CTNNA2: variants seen among roughly 807,000 people sequenced by gnomAD.
The protein encoded by CTNNA2 is catenin alpha-2.
A neutral mutation model predicts 101.0 loss-of-function variants in CTNNA2; 42 were observed. The ratio of observed to expected loss-of-function variants is 0.42; its 90% CI spans 0.32 to 0.54. The LOEUF (loss-of-function observed/expected upper bound fraction) is 0.54. Ranked by LOEUF, CTNNA2 falls within the 20% of genes least tolerant of loss-of-function variation. CTNNA2 has a pLI of 0.14. For synonymous variants in CTNNA2, 450 were observed against 456.4 expected, an observed-to-expected ratio of 0.99 and a Z score of 0.18; for missense variants, 871 against 1,223.1, an observed-to-expected ratio of 0.71 and a Z score of 4.29.
Position 80,010,923 on chromosome 2 carries a change from G to T in CTNNA2, c.1056+101126G>T, listed in dbSNP as rs115279122. On this transcript the variant is annotated intron_variant, in intron 7 of 18. Transcript: ENST00000402739. The stretch of plus-strand genomic sequence containing the variant: ...TCTTCGAAATCTCTGTAAAATTGAG[G>T]GTCTCCATATATAGATTTTCAAGTG... Among the ~76,000 whole-genome samples the T allele has an allele frequency of 3.7e-3, 560 of 152,076 alleles. 5 individuals are homozygous for T. Among genetic ancestry groups the T allele is most frequent in the African/African-American group, 0.013 (522 of 41,500 alleles).
At chr2:80,566,253 CAG>C (rs1558594228) in intron 12 of CTNNA2, among the ~76,000 whole-genome samples, 1 of 152,140 alleles carries the variant, frequency 6.6e-6, no homozygotes, top group Non-Finnish European at 1.5e-5. Context: ...AGTAAGAAAA[CAG>C]AAGCCAGCAT....
intron 15 of CTNNA2, among the ~76,000 whole-genome samples, chr2:80,601,207 T>TTGTG (rs1256072643): frequency 6.6e-6 from 1 of 152,064 alleles, no homozygotes; most frequent in African/African-American, 2.4e-5. Context: ...TTTCTTCTTT[T>TTGTG]TGTCTGTGTG....
chr2:80,221,470 G>A (rs1708571923), intron 7 of CTNNA2, among the ~76,000 whole-genome samples: 1 of 152,140 alleles, frequency 6.6e-6, no homozygotes, highest in Admixed American at 6.5e-5. Context: ...TTACAATTCT[G>A]CTGACCCATG....
At chr2:80,032,703 T>G (rs1695367960) in intron 7 of CTNNA2, among the ~76,000 whole-genome samples, 1 of 152,178 alleles carries the variant, frequency 6.6e-6, no homozygotes, top group Non-Finnish European at 1.5e-5. Context: ...GTTAGAAGAT[T>G]TAATGATAGA....
chr2:79,655,235 A>G (rs954299911), intron 2 of CTNNA2, among the ~76,000 whole-genome samples: 3 of 152,208 alleles, frequency 2.0e-5, no homozygotes, highest in East Asian at 1.9e-4. Flanking sequence ...AAGAGTACCT[A>G]TAAGTATATT....
At chr2:80,045,384 T>A (rs1202628586) in intron 7 of CTNNA2, among the ~76,000 whole-genome samples, 1 of 152,178 alleles carries the variant, frequency 6.6e-6, no homozygotes, top group Non-Finnish European at 1.5e-5. Context: ...TGTAATAGTT[T>A]ATCACTATTT....
chr2:79,189,434 G>A (rs951788074), intron 1 of CTNNA2, among the ~76,000 whole-genome samples: 9 of 151,974 alleles, frequency 5.9e-5, no homozygotes, highest in Admixed American at 5.9e-4. Flanking sequence ...TACTCTCCAA[G>A]AGTTGTTATT....
chr2:79,895,201 CA>C (rs1203450144), intron 6 of CTNNA2, among the ~76,000 whole-genome samples: 5 of 152,194 alleles, frequency 3.3e-5, no homozygotes, highest in African/African-American at 4.8e-5. Context: ...AGCGTATTTT[CA>C]GGCCATGCAA....
chr2:79,232,029 C>G (rs1674499610), intron 2 of CTNNA2, among the ~76,000 whole-genome samples: 2 of 152,078 alleles, frequency 1.3e-5, no homozygotes, highest in Admixed American at 6.6e-5. Context: ...TTGTTATTCT[C>G]CTAGTTGGAT....
intron 3 of CTNNA2, among the ~76,000 whole-genome samples, chr2:79,351,302 T>G (rs2104438709): frequency 6.6e-6 from 1 of 152,304 alleles, no homozygotes; most frequent in Admixed American, 6.5e-5. Flanking sequence ...ACATATAATC[T>G]ATCTTGAGTT....
At chr2:79,268,755 C>T (rs1675022156) in intron 2 of CTNNA2, among the ~76,000 whole-genome samples, 1 of 152,088 alleles carries the variant, frequency 6.6e-6, no homozygotes. Context: ...GGGGAAAAAA[C>T]CCACACATGT....
intron 9 of CTNNA2, among the ~76,000 whole-genome samples, chr2:80,443,118 A>G (rs1295064444): frequency 6.6e-6 from 1 of 152,200 alleles, no homozygotes; most frequent in Non-Finnish European, 1.5e-5. Context: ...TTCCTGTGGA[A>G]CCAAAGTTCA....
intron 4 of CTNNA2, among the ~76,000 whole-genome samples, chr2:79,458,291 T>C (rs1670845887): frequency 6.6e-6 from 1 of 152,224 alleles, no homozygotes. Context: ...TTTTATTTCT[T>C]ATAAGAGTCA....
At chr2:80,367,652 A>T (rs1675060168) in intron 7 of CTNNA2, among the ~76,000 whole-genome samples, 1 of 152,030 alleles carries the variant, frequency 6.6e-6, no homozygotes, top group Non-Finnish European at 1.5e-5. Flanking sequence ...CAGCATTATG[A>T]TTAACTTTTT....
At chr2:79,877,777 A>T (rs1314487325) in intron 6 of CTNNA2, among the ~76,000 whole-genome samples, 3 of 152,216 alleles carry the variant, frequency 2.0e-5, no homozygotes, top group Non-Finnish European at 4.4e-5. Flanking sequence ...TGCTGAAGTA[A>T]AAGGAACCAT....
At chr2:80,198,253 G>A (rs995965854) in intron 7 of CTNNA2, among the ~76,000 whole-genome samples, 9 of 152,138 alleles carry the variant, frequency 5.9e-5, no homozygotes, top group Non-Finnish European at 2.9e-5. Flanking sequence ...CACCAGTTAC[G>A]TCAGGGGTGT....
intron 4 of CTNNA2, among the ~76,000 whole-genome samples, chr2:79,476,844 A>T (rs1170687601): frequency 6.6e-6 from 1 of 152,230 alleles, no homozygotes; most frequent in Admixed American, 6.5e-5. Flanking sequence ...TCTGTACTCA[A>T]CAAAACTTAG....
chr2:79,374,461 C>G (rs966786841), intron 4 of CTNNA2, among the ~76,000 whole-genome samples: 2 of 151,994 alleles, frequency 1.3e-5, no homozygotes, highest in African/African-American at 4.8e-5. Context: ...TATCTCCTTC[C>G]AGGGGAGAAG....
intron 13 of CTNNA2, among the ~76,000 whole-genome samples, chr2:80,577,289 A>G (rs756181699): frequency 2.0e-5 from 3 of 152,110 alleles, no homozygotes; most frequent in Non-Finnish European, 2.9e-5. Context: ...AAAGTATCCT[A>G]AAGGGGATAG....
Sources: gnomAD v4.1 joint callset for allele counts (sites outside exome capture counted in the v4.1 genomes callset) on GRCh38, gnomAD v4.1.1 for gene constraint, MANE v1.5 for transcripts, NCBI Gene and HGNC (gene_info 2026-07-23, HGNC 2026-07-21) for gene names.